ABCA9: variants seen among roughly 807,000 people sequenced by gnomAD.
ABCA9 encodes ATP-binding cassette sub-family A member 9.
In ABCA9, 183 loss-of-function variants were observed where a neutral mutation model predicts 205.3. The ratio of observed to expected loss-of-function variants is 0.89; its 90% CI spans 0.79 to 1.01. ABCA9 has a LOEUF of 1.01. Ranked by LOEUF, ABCA9 falls within the 50% of genes least tolerant of loss-of-function variation. The probability of loss-of-function intolerance (pLI) is 0.00; values close to 1 mark genes in which losing one functional copy is unlikely to be tolerated. For missense variants in ABCA9, 1,805 were observed against 1,912.4 expected (o/e 0.94, Z 1.05); for synonymous variants, 651 against 683.3 (o/e 0.95, Z 0.74).
intron 22 of ABCA9, among the ~76,000 whole-genome samples, chr17:69,014,909 C>G (rs2070524666): frequency 6.6e-6 from 1 of 152,122 alleles, no homozygotes; most frequent in Non-Finnish European, 1.5e-5. Context: ...TGTGTCATCA[C>G]CTACAGAAGG....
At chr17:69,063,380 T>C (rs1002289094), upstream of ABCA9, among the ~76,000 whole-genome samples, 9 of 152,334 alleles carry the variant, frequency 5.9e-5, 1 homozygote, top group South Asian at 1.9e-3. Flanking sequence ...CCAAGACCTG[T>C]GTGCAGCCCT....
intron 35 of ABCA9, 51 bp from the exon 36 acceptor site, chr17:68,983,900 G>T: frequency 6.2e-7 from 1 of 1,612,120 alleles, no homozygotes; most frequent in Non-Finnish European, 8.5e-7. Context: ...AAAATGTATG[G>T]CTTGTGATGT....
At chr17:69,078,944 A>T in the ABCA9 span, 1 of 1,433,276 alleles carries the variant, frequency 7.0e-7, no homozygotes, top group Non-Finnish European at 9.7e-7. Context: ...TTTATAGGAG[A>T]TCAACAAAAA....
rs1291801534 is a variant in ABCA9, at chr17:69,023,916, C to G, written c.2281+298G>C. 6.6e-6 allele frequency among the ~76,000 whole-genome samples: 1 copy of G among 152,042 alleles called. No homozygotes were observed. Among genetic ancestry groups the G allele is most frequent in the Non-Finnish European group, 1.5e-5 (1 of 68,004 alleles). ...CCTGACCACACTCTCTCATTCATTACTGAAACAAATTTTCCAAATAATTCT... is the reference window on the plus strand; with the variant it reads ...CCTGACCACACTCTCTCATTCATTAGTGAAACAAATTTTCCAAATAATTCT... On this transcript the variant is annotated intron_variant, in intron 17 of 38. Transcript: ENST00000340001. This position sits in a 1 kb window ranked among gnomAD's most constrained non-coding sequence, Gnocchi z 4.2.
At chr17:69,045,818 A>G (rs937357531) in intron 3 of ABCA9, among the ~76,000 whole-genome samples, 9 of 152,124 alleles carry the variant, frequency 5.9e-5, no homozygotes, top group African/African-American at 2.2e-4. Flanking sequence ...TGAGAATAGC[A>G]TGGGAGAAAC....
At chr17:69,070,475 C>T in the ABCA9 span, among the ~76,000 whole-genome samples, 37 of 152,122 alleles carry the variant, frequency 2.4e-4, no homozygotes, top group Admixed American at 3.9e-4. Flanking sequence ...TTGCCTCACC[C>T]GGGAAGAACA....
chr17:69,003,996 C>G lies in ABCA9; in HGVS notation c.3435+3763G>C, dbSNP rs867137271. ...GCTCCTTTAAGCACTTCTCTGTATTCGTTATTCTAGTTATACTTTCTTCTA... is the reference window on the plus strand; with the variant it reads ...GCTCCTTTAAGCACTTCTCTGTATTGGTTATTCTAGTTATACTTTCTTCTA... On this transcript the variant is annotated intron_variant, in intron 25 of 38. Transcript: ENST00000340001. Among the ~76,000 whole-genome samples the G allele has an allele frequency of 6.9e-4, 105 of 152,022 alleles. 1 individual carries two copies. The highest frequency in any genetic ancestry group is 5.2e-4 in the Admixed American group (8 of 15,258).
In ABCA9 at chr17:69,028,526, T is replaced by C. The variant is rs760870611; in HGVS notation, c.1615+9A>G. On this transcript the variant is annotated intron_variant, in intron 12 of 38. Coordinates refer to ENST00000340001, the MANE Select transcript of ABCA9 (RefSeq NM_080283.4). ...CCAGGTACTTGTCCTTGGATAACTG[T>C]CTTCTTACCTGATGTTGGAACTGAC... 19 of 1,553,034 alleles carry C rather than the reference T, an allele frequency of 1.2e-5. No homozygotes were observed. The highest frequency in any genetic ancestry group is 8.9e-5 in the Admixed American group (5 of 56,090).
the ABCA9 span, among the ~76,000 whole-genome samples, chr17:69,074,046 G>T: frequency 5.3e-5 from 8 of 151,894 alleles, no homozygotes; most frequent in African/African-American, 1.9e-4. Context: ...TTTATCACCT[G>T]GTTTTCTTAG....
At chr17:68,985,214 G>T (rs1386156276) in intron 32 of ABCA9, 86 bp from the exon 33 acceptor site, 54 of 1,568,514 alleles carry the variant, frequency 3.4e-5, no homozygotes, top group Non-Finnish European at 4.6e-5. Context: ...ACACGACGGT[G>T]GGGGAGGTGT....
At chr17:69,002,065 C>A (rs1329807158) in intron 25 of ABCA9, among the ~76,000 whole-genome samples, 467 of 141,196 alleles carry the variant, frequency 3.3e-3, no homozygotes, top group African/African-American at 0.01. Context: ...TTTCAAAAAA[C>A]CAGCTCCTGG....
chr17:69,071,242 T>C, the ABCA9 span, among the ~76,000 whole-genome samples: 4 of 152,220 alleles, frequency 2.6e-5, no homozygotes, highest in African/African-American at 9.6e-5. Context: ...TGAGCTCTGC[T>C]AAGGGACAGA....
In ABCA9 at chr17:69,002,814, A is replaced by G. The variant is rs1341519228; in HGVS notation, c.3435+4945T>C. Reference sequence around the variant, plus strand: ...ATCTGGGTGCTCCTGTATTGGGTGCATATATATTTAGGATAGTTAGCTCTT... The same window carrying G: ...ATCTGGGTGCTCCTGTATTGGGTGCGTATATATTTAGGATAGTTAGCTCTT... On this transcript the variant is annotated intron_variant, in intron 25 of 38. Transcript: ENST00000340001. Among the ~76,000 whole-genome samples the G allele has an allele frequency of 2.6e-4, 37 of 142,412 alleles. No individual in the cohort carries two copies. The Middle Eastern group carries it at 0.014, about 55-fold the overall frequency. 93.4% of individuals were successfully genotyped at this position (142,412 alleles called of 152,430 possible).
Position 68,975,314 on chromosome 17 carries a change from A to G in ABCA9, c.*601T>C, listed in dbSNP as rs1269109225. 1 of 152,526 alleles carries G rather than the reference A, an allele frequency of 6.6e-6. No individual in the cohort carries two copies. The highest frequency in any genetic ancestry group is 2.4e-5 in the African/African-American group (1 of 41,438). 9.4% of individuals were successfully genotyped at this position (152,526 alleles called of 1,614,324 possible). On this transcript the variant is annotated 3_prime_UTR_variant, in exon 39 of 39. Coordinates refer to ENST00000340001, the MANE Select transcript of ABCA9 (RefSeq NM_080283.4). Reference sequence around the variant, plus strand: ...TTGTAAACAGTGCTGCAATAAACATACGTGTGCATGTGTCTTTATAGTAGA... The same window carrying G: ...TTGTAAACAGTGCTGCAATAAACATGCGTGTGCATGTGTCTTTATAGTAGA...
intron 11 of ABCA9, among the ~76,000 whole-genome samples, chr17:69,028,899 T>G (rs1424676076): frequency 6.6e-6 from 1 of 152,236 alleles, no homozygotes; most frequent in Non-Finnish European, 1.5e-5. Context: ...TAATACAATT[T>G]TAGAGCTGGA....
intron 26 of ABCA9, among the ~76,000 whole-genome samples, chr17:68,993,367 T>C (rs763786811): frequency 5.9e-5 from 9 of 152,214 alleles, no homozygotes; most frequent in Non-Finnish European, 1.3e-4. Context: ...TTTGAAGCAA[T>C]GCCAAGTCTG....
intron 1 of ABCA9, 109 bp downstream of exon 1, chr17:69,060,757 A>G (rs551111141): frequency 1.4e-6 from 1 of 737,842 alleles, no homozygotes; most frequent in South Asian, 6.2e-5. Flanking sequence ...TGACTCGTTA[A>G]TAACTTACTG....
In ABCA9 at chr17:69,049,423, T is replaced by G; in HGVS notation, c.164A>C (p.His55Pro). The change falls in exon 3 of 39, where the codon CAT becomes CCT. Residue 55 changes from histidine to proline, a missense_variant. His to Pro is a moderately conservative substitution (Grantham distance 77). Transcript: ENST00000340001. ...CATTGAAGACATTTGAGGAGTGTCA[T>G]GAACTTGATGTAAATTGGAGAAAAA... ...YLFFSNLHQV[H>P]DTPQMSSMDL... is the part of the protein sequence containing the mutation. 1 of 1,613,202 alleles carries G rather than the reference T, an allele frequency of 6.2e-7. No individual in the cohort carries two copies. The highest frequency in any genetic ancestry group is 8.5e-7 in the Non-Finnish European group (1 of 1,179,456).
intron 14 of ABCA9, 54 bp downstream of exon 14, chr17:69,027,276 A>C (rs186275412): frequency 3.1e-5 from 49 of 1,584,288 alleles, no homozygotes; most frequent in Non-Finnish European, 4.1e-5. Flanking sequence ...TGACCTAATA[A>C]AATAATTTTA....
Sources: allele counts gnomAD v4.1 joint callset (sites outside exome capture counted in the v4.1 genomes callset), GRCh38; gene constraint gnomAD v4.1.1; non-coding constraint Gnocchi (gnomAD v3.1); transcripts MANE v1.5; gene names NCBI Gene and HGNC (gene_info 2026-07-23, HGNC 2026-07-21).